Variants in TARS2 observed in about 807,000 individuals in gnomAD.
The protein encoded by TARS2 is threonyl-tRNA synthetase 2, mitochondrial.
Under a neutral mutation model 94.4 loss-of-function variants are expected in TARS2, and 61 were observed. That is an observed-to-expected ratio of 0.65 (90% CI 0.53 to 0.80). The LOEUF is 0.80. Ranked by LOEUF, TARS2 falls within the 30% of genes least tolerant of loss-of-function variation. The pLI is 0.00. For synonymous variants in TARS2, 359 were observed against 353.4 expected (o/e 1.02, Z -0.18); for missense variants, 704 against 902.5 (o/e 0.78, Z 2.82).
At chr1:150,500,674 G>A (rs587664796) in intron 13 of TARS2, among the ~76,000 whole-genome samples, 132 of 152,000 alleles carry the variant, frequency 8.7e-4, no homozygotes, top group African/African-American at 2.9e-3. Context: ...ATCACCTGAG[G>A]TCAGGGGTTT....
chr1:150,498,937 C>T lies in TARS2; in HGVS notation c.1442C>T (p.Ser481Phe). ...EIQSCLDFLR[S>F]VYAVLGFSFR... ...CAAAGCTGTCTTGATTTCCTCCGTT[C>T]CGTCTATGCCGTTCTTGGCTTCTCC... The change falls in exon 12 of 18, where the codon TCC becomes TTC. Residue 481 changes from serine (S) to phenylalanine (F), a missense_variant. By Grantham distance (155) the Ser-to-Phe change is radical. Transcript: ENST00000369064. 3 of 1,614,240 alleles carry T rather than the reference C, an allele frequency of 1.9e-6. No homozygotes were observed. The highest frequency in any genetic ancestry group is 2.5e-6 in the Non-Finnish European group (3 of 1,180,052).
chr1:150,491,792 ATT>A (rs111455328), intron 6 of TARS2, 130 bp downstream of exon 6: 163 of 812,746 alleles, frequency 2.0e-4, no homozygotes, highest in East Asian at 1.1e-3. Flanking sequence ...ATGGGAATTG[ATT>A]TTTTTTTTTT....
intron 1 of TARS2, 132 bp downstream of exon 1, chr1:150,487,648 G>A: frequency 1.5e-6 from 2 of 1,334,384 alleles, no homozygotes; most frequent in East Asian, 2.5e-5. Flanking sequence ...AAAAGGACTC[G>A]TATCTAAACT....
At chr1:150,491,290 AT>A in intron 4 of TARS2, 103 bp from the exon 5 acceptor site, 1 of 1,080,098 alleles carries the variant, frequency 9.3e-7, no homozygotes, top group South Asian at 1.3e-5. Context: ...ATAACTCTAG[AT>A]TTCTCTTGAA....
chr1:150,502,346 C>T (rs912645415), intron 13 of TARS2, among the ~76,000 whole-genome samples: 9 of 151,378 alleles, frequency 5.9e-5, no homozygotes, highest in Non-Finnish European at 1.2e-4. Context: ...CTCAGCCTCC[C>T]GAGTATCTGG....
In TARS2 at chr1:150,507,095, C is replaced by T. The variant is rs754720456; in HGVS notation, c.*31C>T. On this transcript the variant is annotated 3_prime_UTR_variant, in exon 18 of 18. Transcript: ENST00000369064. ...TGTACATAGATGAGGCAAAAACCTG[C>T]GAGTGCCATCAGCCTCCCTCACATG... is the stretch of plus-strand genomic sequence containing the variant. 43 of 1,611,074 alleles carry T rather than the reference C, an allele frequency of 2.7e-5. No homozygotes were observed. The Middle Eastern group carries it at 7.3e-4, about 27-fold the overall frequency.
chr1:150,501,386 C>T (rs1464217369), intron 13 of TARS2, among the ~76,000 whole-genome samples: 2 of 134,486 alleles, frequency 1.5e-5, no homozygotes, highest in Non-Finnish European at 3.1e-5. Flanking sequence ...GGCTCGATCT[C>T]GGCTCACTGC....
At chr1:150,494,062 CT>C (rs1355354905) in intron 7 of TARS2, among the ~76,000 whole-genome samples, 1 of 151,658 alleles carries the variant, frequency 6.6e-6, no homozygotes, top group Non-Finnish European at 1.5e-5. Context: ...GTAAATTCAC[CT>C]CATAAAGATA....
At chr1:150,498,726 T>G (rs1223618797) in intron 11 of TARS2, 62 bp downstream of exon 11, 5 of 1,609,780 alleles carry the variant, frequency 3.1e-6, no homozygotes, top group Non-Finnish European at 4.2e-6. Context: ...CCTATGAACC[T>G]GCAAACCCCT....
At chr1:150,497,913 G>A (rs930411216) in intron 10 of TARS2, among the ~76,000 whole-genome samples, 166 bp downstream of exon 10, 8 of 151,880 alleles carry the variant, frequency 5.3e-5, no homozygotes, top group African/African-American at 1.7e-4. Context: ...CCAACATGGA[G>A]AAACCCTGTC....
rs1669670023 is a variant in TARS2, at chr1:150,496,526, G to T, written c.819G>T (p.Leu273=). The stretch of plus-strand genomic sequence containing the variant: ...GGTCTTCAGGGGCCCCAGAGACACT[G>T]CAGAGAGTGTCAGGGATTTCCTTCC... ...LWRSSGAPET[L]QRVSGISFPT... Residue 273 remains leucine (L), a synonymous_variant, in exon 8 of 18, where the codon CTG becomes CTT. Transcript: ENST00000369064. The T allele has an allele frequency of 1.2e-6, 2 of 1,614,130 alleles. No individual in the cohort carries two copies. The highest frequency in any genetic ancestry group is 1.1e-5 in the South Asian group (1 of 91,078).
chr1:150,500,689 C>A (rs182350746), intron 13 of TARS2, among the ~76,000 whole-genome samples: 2 of 152,202 alleles, frequency 1.3e-5, no homozygotes, highest in South Asian at 2.1e-4. Context: ...GGGTTTGAGA[C>A]CCTGTCTCTA....
At chr1:150,505,872 C>T (rs1670177449) in intron 17 of TARS2, among the ~76,000 whole-genome samples, 167 bp downstream of exon 17, 1 of 152,232 alleles carries the variant, frequency 6.6e-6, no homozygotes, top group Non-Finnish European at 1.5e-5. Flanking sequence ...TGTTCCTTCA[C>T]ATTGCCCTGC....
At chr1:150,500,881 T>A (rs1417324513) in intron 13 of TARS2, among the ~76,000 whole-genome samples, 1 of 151,922 alleles carries the variant, frequency 6.6e-6, no homozygotes, top group African/African-American at 2.4e-5. Flanking sequence ...GGAAGTCTAT[T>A]TGGAGGGAGA....
chr1:150,501,318 T>C (rs1241467875), intron 13 of TARS2, among the ~76,000 whole-genome samples: 2 of 107,142 alleles, frequency 1.9e-5, no homozygotes, highest in Non-Finnish European at 4.1e-5. Flanking sequence ...TTTTTTTTTT[T>C]TTTTTTTTTT....
At chr1:150,499,553 A>T (rs1263576463) in intron 13 of TARS2, among the ~76,000 whole-genome samples, 2 of 151,826 alleles carry the variant, frequency 1.3e-5, no homozygotes, top group African/African-American at 4.8e-5. Context: ...TTTAATAGAG[A>T]TGGGGTTTCG....
chr1:150,499,071 ACT>A, intron 12 of TARS2, 37 bp downstream of exon 12: 5 of 1,613,246 alleles, frequency 3.1e-6, no homozygotes, highest in Non-Finnish European at 4.2e-6. Flanking sequence ...CAGATAAACC[ACT>A]CTCTGGTGGG....
intron 7 of TARS2, among the ~76,000 whole-genome samples, chr1:150,492,809 CAA>C (rs750302051): frequency 1.8e-4 from 12 of 67,240 alleles, no homozygotes; most frequent in African/African-American, 3.6e-4. Flanking sequence ...GAGTCCATCT[CAA>C]AAAAAAAAAA....
intron 2 of TARS2, 113 bp downstream of exon 2, chr1:150,488,167 G>T (rs760078038): frequency 9.0e-6 from 11 of 1,228,096 alleles, no homozygotes; most frequent in Non-Finnish European, 1.2e-5. Flanking sequence ...TCCCCATTAA[G>T]ATAGCCTTTC....
Sources: gnomAD v4.1 joint callset for allele counts (sites outside exome capture counted in the v4.1 genomes callset) on GRCh38, gnomAD v4.1.1 for gene constraint, MANE v1.5 for transcripts, NCBI Gene and HGNC (gene_info 2026-07-23, HGNC 2026-07-21) for gene names.